Variants in EPHA6 observed in about 807,000 individuals in gnomAD.
EPHA6 encodes EPH receptor A6, also known as ephrin type-A receptor 6.
In EPHA6, 50 loss-of-function variants were observed where a neutral mutation model predicts 112.0. The ratio of observed to expected loss-of-function variants is 0.45; its 90% confidence interval spans 0.36 to 0.56. The LOEUF is 0.56. Among genes scored for constraint, EPHA6 ranks in the 20% least tolerant of loss-of-function variants. The probability of loss-of-function intolerance (pLI) is 0.00; values close to 1 mark genes in which losing one functional copy is unlikely to be tolerated. For missense variants in EPHA6, 1,280 were observed against 1,417.4 expected (o/e 0.90, Z 1.56); for synonymous variants, 529 against 490.7 (o/e 1.08, Z -1.03).
chr3:97,401,284 A>G (rs1382753347), intron 5 of EPHA6, among the ~76,000 whole-genome samples: 1 of 151,710 alleles, frequency 6.6e-6, no homozygotes, highest in Non-Finnish European at 1.5e-5. Flanking sequence ...AATGGCTTCA[A>G]TTCACCAATG....
intron 14 of EPHA6, among the ~76,000 whole-genome samples, chr3:97,664,496 A>C (rs1274560363): frequency 6.6e-6 from 1 of 152,154 alleles, no homozygotes; most frequent in East Asian, 1.9e-4. Context: ...GAAAGAAATA[A>C]AGGGTATTCA....
At chr3:97,617,078 A>G (rs977759967) in intron 13 of EPHA6, among the ~76,000 whole-genome samples, 34 of 152,248 alleles carry the variant, frequency 2.2e-4, no homozygotes, top group African/African-American at 7.5e-4. Flanking sequence ...ACTAACAGAG[A>G]ACCTTTTAGC....
At chr3:97,578,487 T>G (rs143399104) in intron 11 of EPHA6, among the ~76,000 whole-genome samples, 1,836 of 152,328 alleles carry the variant, frequency 0.012, 40 homozygotes, top group African/African-American at 0.041. Context: ...AAATATGGTC[T>G]TTATTCTGGC....
At chr3:97,656,579 C>T (rs1053981297) in intron 14 of EPHA6, among the ~76,000 whole-genome samples, 1 of 151,630 alleles carries the variant, frequency 6.6e-6, no homozygotes, top group South Asian at 2.1e-4. Flanking sequence ...AAATAAATAC[C>T]TTTTTTTCTT....
intron 1 of EPHA6, among the ~76,000 whole-genome samples, chr3:96,834,983 T>G (rs190563710): frequency 6.6e-6 from 1 of 152,188 alleles, no homozygotes; most frequent in East Asian, 1.9e-4. Flanking sequence ...TTTAAGCAAT[T>G]TAGTCTTTAT....
chr3:97,295,449 G>A (rs1188942189), intron 5 of EPHA6, among the ~76,000 whole-genome samples: 1 of 151,138 alleles, frequency 6.6e-6, no homozygotes, highest in Non-Finnish European at 1.5e-5. Context: ...CTGTCTCTTT[G>A]GTAAATGTAT....
chr3:97,511,488 G>A (rs1009497472), intron 10 of EPHA6, among the ~76,000 whole-genome samples: 4 of 152,188 alleles, frequency 2.6e-5, no homozygotes, highest in East Asian at 1.9e-4. Flanking sequence ...ACCCTGCTTC[G>A]GCTCACCCTC....
At chr3:97,149,014 A>AT (rs904670739) in intron 3 of EPHA6, among the ~76,000 whole-genome samples, 2 of 152,024 alleles carry the variant, frequency 1.3e-5, no homozygotes, top group Non-Finnish European at 2.9e-5. Context: ...GGTTCTTTTC[A>AT]TTTTTATCTC....
At chr3:97,175,976 G>A (rs1353830773) in intron 3 of EPHA6, among the ~76,000 whole-genome samples, 1 of 151,840 alleles carries the variant, frequency 6.6e-6, no homozygotes, top group Non-Finnish European at 1.5e-5. Context: ...TCCTTGCCAT[G>A]TTCAAGATCT....
At chr3:96,844,020 A>G (rs991527050) in intron 1 of EPHA6, among the ~76,000 whole-genome samples, 2 of 151,952 alleles carry the variant, frequency 1.3e-5, no homozygotes, top group Non-Finnish European at 2.9e-5. Flanking sequence ...ACCTAGGCCC[A>G]TTTTGAGTCC....
chr3:97,286,165 TC>T (rs1485898343), intron 5 of EPHA6, among the ~76,000 whole-genome samples: 1 of 152,168 alleles, frequency 6.6e-6, no homozygotes, highest in Non-Finnish European at 1.5e-5. Context: ...GGTGATTAGT[TC>T]AAAAATATTT....
intron 3 of EPHA6, among the ~76,000 whole-genome samples, chr3:97,068,876 T>C (rs2046266624): frequency 6.6e-6 from 1 of 152,186 alleles, no homozygotes; most frequent in South Asian, 2.1e-4. Flanking sequence ...AACCTGACTA[T>C]ATTGACACCC....
intron 14 of EPHA6, among the ~76,000 whole-genome samples, chr3:97,647,983 G>T (rs531068301): frequency 1.6e-4 from 24 of 152,196 alleles, no homozygotes; most frequent in Admixed American, 4.6e-4. Context: ...TATAATGGCA[G>T]TAAATGTTCA....
At chr3:97,406,545 G>A (rs2087359770) in intron 6 of EPHA6, among the ~76,000 whole-genome samples, 1 of 152,030 alleles carries the variant, frequency 6.6e-6, no homozygotes, top group African/African-American at 2.4e-5. Flanking sequence ...TGTTATAATG[G>A]CAATCAAATT....
chr3:96,933,337 A>G (rs1287783580), intron 2 of EPHA6, among the ~76,000 whole-genome samples: 1 of 152,176 alleles, frequency 6.6e-6, no homozygotes, highest in Non-Finnish European at 1.5e-5. Flanking sequence ...CTGACTAACA[A>G]TATATTTAAT....
At chr3:97,504,374 T>C (rs1391363510) in intron 10 of EPHA6, among the ~76,000 whole-genome samples, 2 of 152,218 alleles carry the variant, frequency 1.3e-5, no homozygotes, top group Admixed American at 6.5e-5. Context: ...GTTTTTACAG[T>C]TGAATGCAAA....
At chr3:96,865,502 T>C (rs951286442) in intron 1 of EPHA6, among the ~76,000 whole-genome samples, 3 of 151,756 alleles carry the variant, frequency 2.0e-5, no homozygotes, top group Non-Finnish European at 2.9e-5. Context: ...CATAGCATAG[T>C]AAGACCTTGT....
chr3:97,557,959 C>G (rs978325595), intron 11 of EPHA6, among the ~76,000 whole-genome samples: 3 of 152,076 alleles, frequency 2.0e-5, no homozygotes, highest in South Asian at 2.1e-4. Context: ...GCCACCTGCT[C>G]TGGTGGTTCA....
At chr3:96,987,233 ATT>A in intron 2 of EPHA6, 95 bp from the exon 3 acceptor site, 1 of 1,041,200 alleles carries the variant, frequency 9.6e-7, no homozygotes, top group Non-Finnish European at 1.4e-6. Context: ...CTTTTAATTC[ATT>A]TTTATTTTGG....
Sources: allele counts gnomAD v4.1 joint callset (sites outside exome capture counted in the v4.1 genomes callset), GRCh38; gene constraint gnomAD v4.1.1; transcripts MANE v1.5; gene names NCBI Gene and HGNC (gene_info 2026-07-23, HGNC 2026-07-21).